The following ILDR2 variants were observed in gnomAD, a reference collection of about 807,000 sequenced individuals.
The protein encoded by ILDR2 is immunoglobulin-like domain-containing receptor 2.
In ILDR2, 25 loss-of-function variants were observed where a neutral mutation model predicts 66.8. The ratio of observed to expected loss-of-function variants is 0.37; its 90% CI spans 0.27 to 0.52. ILDR2 has a LOEUF of 0.52. ILDR2 is among the 20% of genes least tolerant of loss of function. ILDR2 has a pLI of 0.88. For missense variants in ILDR2, 827 were observed against 876.8 expected (o/e 0.94, Z 0.72); for synonymous variants, 367 against 357.2 (o/e 1.03, Z -0.31).
intron 9 of ILDR2, among the ~76,000 whole-genome samples, chr1:166,919,999 A>G (rs1048802320): frequency 6.6e-6 from 1 of 152,138 alleles, no homozygotes; most frequent in Non-Finnish European, 1.5e-5. Flanking sequence ...GTCCCCCAAC[A>G]TTTCTCTGAG....
chr1:166,933,589 G>T (rs4388685), intron 6 of ILDR2: 1 of 961,670 alleles, frequency 1.0e-6, no homozygotes, highest in Non-Finnish European at 1.2e-6. Context: ...AGAGAAACTG[G>T]AAAAAGACAG....
At chr1:166,948,796 G>A (rs1313400532) in intron 3 of ILDR2, among the ~76,000 whole-genome samples, 1 of 152,224 alleles carries the variant, frequency 6.6e-6, no homozygotes, top group Non-Finnish European at 1.5e-5. Flanking sequence ...ATTCCCTAAA[G>A]AGGGTTCCCT....
chr1:166,923,243 A>G (rs1479744957), intron 7 of ILDR2, among the ~76,000 whole-genome samples: 1 of 152,228 alleles, frequency 6.6e-6, no homozygotes, highest in Non-Finnish European at 1.5e-5. Flanking sequence ...GCCATAGATC[A>G]CAGCATCTTC....
chr1:166,905,932 T>A (rs1659336589), downstream of ILDR2, among the ~76,000 whole-genome samples: 1 of 152,120 alleles, frequency 6.6e-6, no homozygotes, highest in Admixed American at 6.5e-5. Flanking sequence ...CTCCTCCAGG[T>A]TTTTATGTGA....
chr1:166,911,293 G>A lies in ILDR2; in HGVS notation c.*8062C>T, dbSNP rs2223222. On this transcript the variant is annotated 3_prime_UTR_variant, in exon 10 of 10. Coordinates refer to ENST00000271417, the MANE Select transcript of ILDR2 (RefSeq NM_199351.3). ...TGCATTAGAAAGAAATGCACAATGC[G>A]TGTATGTGTGCCTTTTTCATTTTTT... is the stretch of plus-strand genomic sequence containing the variant. 0.8 allele frequency: 121,935 copies of A among 152,244 alleles called. 49,188 individuals carry two copies. Among genetic ancestry groups the A allele is most frequent in the East Asian group, 0.86 (4,463 of 5,188 alleles). 9.4% of individuals were successfully genotyped at this position (152,244 alleles called of 1,614,324 possible).
At chr1:166,925,059 T>C (rs1195001302) in intron 7 of ILDR2, among the ~76,000 whole-genome samples, 2 of 152,084 alleles carry the variant, frequency 1.3e-5, no homozygotes, top group Non-Finnish European at 2.9e-5. Flanking sequence ...GAGATATAGT[T>C]TGCTGAGCCC....
At chr1:166,934,478 C>A (rs1660825210) in intron 6 of ILDR2, among the ~76,000 whole-genome samples, 1 of 152,202 alleles carries the variant, frequency 6.6e-6, no homozygotes, top group South Asian at 2.1e-4. Flanking sequence ...TTCAACCACA[C>A]CTTAGCTCAT....
At chr1:166,898,428 T>G (rs923024562) in intron 2 of ILDR2, among the ~76,000 whole-genome samples, 1 of 152,228 alleles carries the variant, frequency 6.6e-6, no homozygotes, top group African/African-American at 2.4e-5. Flanking sequence ...CTTTTCTCTT[T>G]GTGGTCTTCC....
chr1:166,971,234 C>T (rs961580601), intron 1 of ILDR2, among the ~76,000 whole-genome samples: 3 of 152,214 alleles, frequency 2.0e-5, no homozygotes, highest in African/African-American at 7.2e-5. Context: ...ATGACTTATT[C>T]ATCTTTTCAA....
chr1:166,902,211 G>A (rs1180546965), intron 2 of ILDR2, among the ~76,000 whole-genome samples: 2 of 152,166 alleles, frequency 1.3e-5, no homozygotes, highest in Non-Finnish European at 2.9e-5. Context: ...GTGAGATCCT[G>A]GACCTCCTCT....
intron 6 of ILDR2, among the ~76,000 whole-genome samples, chr1:166,930,354 T>G (rs1276638803): frequency 1.3e-5 from 2 of 152,206 alleles, no homozygotes; most frequent in Non-Finnish European, 2.9e-5. Flanking sequence ...TACCAGATAC[T>G]TTCAGCCTTG....
At chr1:166,922,479 C>T (rs1660008821) in intron 8 of ILDR2, 114 bp downstream of exon 8, 11 of 776,924 alleles carry the variant, frequency 1.4e-5, no homozygotes, top group Non-Finnish European at 2.5e-5. Context: ...GTCAGGATAA[C>T]CTGGAATGGG....
chr1:166,945,116 G>A (rs1351771325), intron 3 of ILDR2, among the ~76,000 whole-genome samples: 2 of 152,106 alleles, frequency 1.3e-5, no homozygotes, highest in East Asian at 3.8e-4. Flanking sequence ...AAATATGAAA[G>A]AACTATTCAT....
At chr1:166,958,126 G>T in intron 1 of ILDR2, 25 bp from the exon 2 acceptor site, 1 of 1,578,574 alleles carries the variant, frequency 6.3e-7, no homozygotes, top group South Asian at 1.1e-5. Flanking sequence ...AAACATGTCC[G>T]AACAGTGTCC....
chr1:166,919,723 T>C (rs1247945815), intron 9 of ILDR2, among the ~76,000 whole-genome samples: 3 of 152,366 alleles, frequency 2.0e-5, no homozygotes, highest in African/African-American at 7.2e-5. Flanking sequence ...CATAGTACTT[T>C]GGTTATTGCA....
In ILDR2 at chr1:166,919,266, A is replaced by G. The variant is rs780148091; in HGVS notation, c.*89T>C. 13 of 1,223,580 alleles carry G rather than the reference A, an allele frequency of 1.1e-5. No homozygotes were observed. In the African/African-American group the frequency reaches 2.0e-4, roughly 18 times the overall value. The allele number at this position is 1,223,580 out of a possible 1,614,324, so 75.8% of individuals were successfully genotyped here. On this transcript the variant is annotated 3_prime_UTR_variant, in exon 10 of 10. Coordinates refer to ENST00000271417, the MANE Select transcript of ILDR2 (RefSeq NM_199351.3). ...AAATCTTCCAAGGTGATGGCCAGAGAAGGTCCTGGGCCTGCTGGTTCTTAG... is the reference window on the plus strand; with the variant it reads ...AAATCTTCCAAGGTGATGGCCAGAGGAGGTCCTGGGCCTGCTGGTTCTTAG...
In ILDR2 at chr1:166,921,290, G is replaced by T; in HGVS notation, c.1301C>A (p.Ala434Asp). ...AVSMDELAAF[A>D]DSYGQRPRRA... ...GCGGGGCCGCTGGCCGTAGGAGTCA[G>T]CGAAGGCCGCCAGCTCGTCCATGGA... Residue 434 changes from alanine (A) to aspartate (D), a missense_variant, in exon 9 of 10, where the codon GCT becomes GAT. Ala to Asp is a moderately radical substitution (Grantham distance 126, BLOSUM62 -2). This residue lies in a region of ILDR2 where 390 missense variants were observed against 353.6 expected (regional missense o/e 1.10). Transcript: ENST00000271417. This position sits in a 1 kb window ranked among gnomAD's most constrained non-coding sequence, Gnocchi z 5.3. 6.3e-7 allele frequency: 1 copy of T among 1,598,134 alleles called. No individual in the cohort carries two copies.
At chr1:166,902,088 G>A (rs776355070) in intron 2 of ILDR2, among the ~76,000 whole-genome samples, 1 of 152,186 alleles carries the variant, frequency 6.6e-6, no homozygotes, top group Non-Finnish European at 1.5e-5. Context: ...TCAAACTCCC[G>A]ACCTCAGGTG....
intron 3 of ILDR2, among the ~76,000 whole-genome samples, chr1:166,954,333 G>C (rs1662150517): frequency 6.6e-6 from 1 of 152,142 alleles, no homozygotes. Context: ...AACTGTGATG[G>C]CATTTTGAAA....
Sources: allele counts gnomAD v4.1 joint callset (sites outside exome capture counted in the v4.1 genomes callset), GRCh38; gene constraint gnomAD v4.1.1; regional missense constraint gnomAD v4.1.1; non-coding constraint Gnocchi (gnomAD v3.1); transcripts MANE v1.5; gene names NCBI Gene and HGNC (gene_info 2026-07-23, HGNC 2026-07-21).